Variants in ITGB1 observed in about 807,000 individuals in gnomAD.
The protein encoded by ITGB1 is integrin beta-1.
Under a neutral mutation model 86.5 loss-of-function variants are expected in ITGB1, and 24 were observed. That is an observed-to-expected ratio of 0.28 (90% CI 0.20 to 0.39). The LOEUF (loss-of-function observed/expected upper bound fraction) is 0.39. ITGB1 is among the 10% of genes least tolerant of loss of function. ITGB1 has a pLI of 1.00. For synonymous variants in ITGB1, 323 were observed against 316.8 expected (o/e 1.02, Z -0.21); for missense variants, 556 against 946.9 (o/e 0.59, Z 5.42).
chr10:32,952,480 C>A (rs2137268875), intron 1 of ITGB1, among the ~76,000 whole-genome samples: 1 of 152,050 alleles, frequency 6.6e-6, no homozygotes, highest in African/African-American at 2.4e-5. Flanking sequence ...CTGTACCACC[C>A]CTTTAAAAGA....
chr10:32,934,620 A>T (rs1251840529), intron 2 of ITGB1, among the ~76,000 whole-genome samples: 3 of 152,360 alleles, frequency 2.0e-5, no homozygotes, highest in African/African-American at 4.8e-5. Flanking sequence ...TGTAAATTAG[A>T]ATATCAATTC....
intron 5 of ITGB1, among the ~76,000 whole-genome samples, chr10:32,927,101 A>T (rs2094967473): frequency 6.6e-6 from 1 of 152,218 alleles, no homozygotes. Flanking sequence ...ATATTCTAGA[A>T]TTCTGGCCAT....
chr10:32,903,229 G>C (rs908526734), intron 15 of ITGB1, among the ~76,000 whole-genome samples: 65 of 151,284 alleles, frequency 4.3e-4, no homozygotes, highest in African/African-American at 1.5e-3. Context: ...GCGGGTGCCT[G>C]TAATCCCAGC....
chr10:32,952,176 T>C (rs2095043933), intron 1 of ITGB1, among the ~76,000 whole-genome samples: 1 of 152,174 alleles, frequency 6.6e-6, no homozygotes, highest in African/African-American at 2.4e-5. Context: ...AGATAAAATA[T>C]GATCATTATA....
intron 15 of ITGB1, chr10:32,907,180 G>T: frequency 1.2e-6 from 1 of 846,398 alleles, no homozygotes; most frequent in Non-Finnish European, 1.7e-6. Context: ...GATTTCATCA[G>T]AAAAAAAAAA....
chr10:32,908,099 G>A (rs571519098), intron 15 of ITGB1, among the ~76,000 whole-genome samples: 1 of 152,142 alleles, frequency 6.6e-6, no homozygotes, highest in Admixed American at 6.6e-5. Context: ...TGAAAAGGCA[G>A]ATTTAGGATC....
At chr10:32,910,636 A>G (rs937780389) in intron 13 of ITGB1, among the ~76,000 whole-genome samples, 181 bp from the exon 14 acceptor site, 2 of 152,224 alleles carry the variant, frequency 1.3e-5, no homozygotes, top group African/African-American at 4.8e-5. Context: ...AAAAGATGCT[A>G]ATTTCCATAA....
intron 15 of ITGB1, among the ~76,000 whole-genome samples, chr10:32,906,754 A>T (rs1367814307): frequency 6.6e-6 from 1 of 152,174 alleles, no homozygotes; most frequent in East Asian, 1.9e-4. Context: ...ACTCCCTGTG[A>T]CAGTTGAGAG....
rs71299726 is a variant in ITGB1, at chr10:32,948,971, G to GAAAAAAAAAAAA, written c.-1+9162_-1+9173dup. ...GGACTGCTGCTCACTGTGGATTACTGAAAAAAAAAAAAAGACTGACTTCTC... is the reference window on the plus strand; with the variant it reads ...GGACTGCTGCTCACTGTGGATTACTGAAAAAAAAAAAAAAAAAAAAAAAAAGACTGACTTCTC... On this transcript the variant is annotated intron_variant, in intron 1 of 15. Transcript: ENST00000302278. Among the ~76,000 whole-genome samples, 27 of 121,378 alleles carry GAAAAAAAAAAAA rather than the reference G, an allele frequency of 2.2e-4. 2 individuals are homozygous for GAAAAAAAAAAAA. Among genetic ancestry groups the GAAAAAAAAAAAA allele is most frequent in the Non-Finnish European group, 2.8e-4 (16 of 56,186 alleles). The allele number at this position is 121,378 out of a possible 152,430, so 79.6% of individuals were successfully genotyped here. A position where few individuals can be genotyped will look rare whatever the true frequency, so the allele number is the denominator to read the frequency against.
At chr10:32,939,502 A>G (rs1011049321) in intron 1 of ITGB1, among the ~76,000 whole-genome samples, 4 of 152,248 alleles carry the variant, frequency 2.6e-5, no homozygotes, top group African/African-American at 7.2e-5. Context: ...TCTACGGTAC[A>G]GCCTATTGCC....
Position 32,922,629 on chromosome 10 carries a change from C to A in ITGB1, c.1038+11G>T. 6.9e-7 allele frequency: 1 copy of A among 1,457,580 alleles called. No individual in the cohort carries two copies. The highest frequency in any genetic ancestry group is 9.6e-7 in the Non-Finnish European group (1 of 1,047,074). 90.3% of individuals were successfully genotyped at this position (1,457,580 alleles called of 1,614,324 possible). A position where few individuals can be genotyped will look rare whatever the true frequency, so the allele number is the denominator to read the frequency against. ...GTTTAGAATCTTGTTCTTTTTATCTCACACATTTACCTTGTAAACAGGCTG... is the reference window on the plus strand; with the variant it reads ...GTTTAGAATCTTGTTCTTTTTATCTAACACATTTACCTTGTAAACAGGCTG... On this transcript the variant is annotated intron_variant, in intron 8 of 15. Coordinates refer to ENST00000302278, the MANE Select transcript of ITGB1 (RefSeq NM_002211.4).
Position 32,901,550 on chromosome 10 carries a change from G to C in ITGB1, c.*20C>G. ...ATTGCTACTTTGCATTCAGTGTTGTGGGATTTGCACGGGCAGTACTCATTT... is the reference window on the plus strand; with the variant it reads ...ATTGCTACTTTGCATTCAGTGTTGTCGGATTTGCACGGGCAGTACTCATTT... On this transcript the variant is annotated 3_prime_UTR_variant, in exon 16 of 16. Transcript: ENST00000302278. 1.3e-6 allele frequency: 2 copies of C among 1,481,776 alleles called. No individual in the cohort carries two copies. The highest frequency in any genetic ancestry group is 1.9e-6 in the Non-Finnish European group (2 of 1,069,742). 91.8% of individuals were successfully genotyped at this position (1,481,776 alleles called of 1,614,324 possible).
chr10:32,920,156 C>T (rs2094944624), intron 10 of ITGB1, 72 bp from the exon 11 acceptor site: 1 of 1,564,380 alleles, frequency 6.4e-7, no homozygotes, highest in Non-Finnish European at 8.7e-7. Context: ...CAAAAAGTTG[C>T]TCACTTATTT....
At chr10:32,947,382 C>A (rs1348451399) in intron 1 of ITGB1, among the ~76,000 whole-genome samples, 1 of 149,030 alleles carries the variant, frequency 6.7e-6, no homozygotes, top group Admixed American at 6.7e-5. Flanking sequence ...CGAATTATGG[C>A]AAGAACTGGG....
chr10:32,951,266 T>C (rs1288362245), intron 1 of ITGB1, among the ~76,000 whole-genome samples: 1 of 152,064 alleles, frequency 6.6e-6, no homozygotes, highest in African/African-American at 2.4e-5. Flanking sequence ...GAAGAAAATT[T>C]AGGCTGGAAT....
chr10:32,908,753 T>C (rs1044952831), intron 14 of ITGB1, among the ~76,000 whole-genome samples: 4 of 149,404 alleles, frequency 2.7e-5, no homozygotes, highest in African/African-American at 7.4e-5. Flanking sequence ...TTTCTACATA[T>C]TGAAAATATA....
chr10:32,910,200 G>T, intron 14 of ITGB1, 23 bp downstream of exon 14: 1 of 1,515,650 alleles, frequency 6.6e-7, no homozygotes, highest in Non-Finnish European at 9.2e-7. Flanking sequence ...TGAAAAGAAT[G>T]TCTGCAATCA....
intron 15 of ITGB1, among the ~76,000 whole-genome samples, chr10:32,902,795 A>G (rs559546893): frequency 6.6e-6 from 1 of 152,328 alleles, no homozygotes; most frequent in East Asian, 1.9e-4. Flanking sequence ...TTGGTGGCAC[A>G]ATTTCTGCCC....
intron 1 of ITGB1, among the ~76,000 whole-genome samples, chr10:32,940,774 T>C (rs2095016570): frequency 6.6e-6 from 1 of 152,262 alleles, no homozygotes; most frequent in Non-Finnish European, 1.5e-5. Flanking sequence ...CAATATGCAC[T>C]TGAAGAAGTA....
Sources: allele counts gnomAD v4.1 joint callset (sites outside exome capture counted in the v4.1 genomes callset), GRCh38; gene constraint gnomAD v4.1.1; transcripts MANE v1.5; gene names NCBI Gene and HGNC (gene_info 2026-07-23, HGNC 2026-07-21).